Variants in CATSPERD observed in about 807,000 individuals in gnomAD.
CATSPERD encodes the protein cation channel sperm-associated auxiliary subunit delta.
Under a neutral mutation model 98.1 loss-of-function variants are expected in CATSPERD, and 86 were observed. That is an observed-to-expected ratio of 0.88 (90% confidence interval 0.74 to 1.05). The LOEUF is 1.05. CATSPERD is among the 50% of genes least tolerant of loss of function. The pLI is 0.00. For missense variants in CATSPERD, 995 were observed against 1,005.7 expected (o/e 0.99, Z 0.14); for synonymous variants, 394 against 390.2 (o/e 1.01, Z -0.12).
chr19:5,743,287 G>A (rs1163977580), intron 7 of CATSPERD, among the ~76,000 whole-genome samples: 2 of 147,642 alleles, frequency 1.4e-5, no homozygotes, highest in African/African-American at 2.5e-5. Flanking sequence ...TGGGCGACAA[G>A]AGTGTAACTC....
intron 1 of CATSPERD, among the ~76,000 whole-genome samples, chr19:5,723,371 G>A (rs1462080494): frequency 2.0e-5 from 3 of 149,460 alleles, no homozygotes; most frequent in Non-Finnish European, 4.4e-5. Context: ...TGCAACCTCT[G>A]CCTCCAAGGT....
At chr19:5,766,855 G>A (rs1043444120) in intron 17 of CATSPERD, among the ~76,000 whole-genome samples, 2 of 151,466 alleles carry the variant, frequency 1.3e-5, no homozygotes, top group African/African-American at 4.8e-5. Flanking sequence ...ACCATGCCTG[G>A]CTAATTTTTG....
At chr19:5,741,903 C>T (rs1387216663) in intron 7 of CATSPERD, among the ~76,000 whole-genome samples, 1 of 148,492 alleles carries the variant, frequency 6.7e-6, no homozygotes, top group Non-Finnish European at 1.5e-5. Flanking sequence ...TGGCGGCTGG[C>T]GTGCCTGTAA....
intron 7 of CATSPERD, among the ~76,000 whole-genome samples, chr19:5,740,239 C>T (rs1305112110): frequency 6.6e-6 from 1 of 150,940 alleles, no homozygotes; most frequent in African/African-American, 2.4e-5. Flanking sequence ...CAAGATCACA[C>T]CATTGCACTC....
chr19:5,778,314 G>T (rs1382415202), intron 21 of CATSPERD, 62 bp from the exon 22 acceptor site: 31 of 1,487,190 alleles, frequency 2.1e-5, no homozygotes, highest in Non-Finnish European at 2.6e-5. Context: ...CTTTGCCAGA[G>T]ATAAGGCGAA....
chr19:5,720,753 C>A lies in CATSPERD; in HGVS notation c.16C>A (p.Leu6Met). The A allele has an allele frequency of 1.2e-6, 2 of 1,605,792 alleles. No homozygotes were observed. The highest frequency in any genetic ancestry group is 8.5e-7 in the Non-Finnish European group (1 of 1,179,706). MLMLMLVAAVTMWLRP... is the reference protein window; with the variant it reads MLMLMMVAAVTMWLRP... Reference sequence around the variant, plus strand: ...GCCCAAGTCGATGCTGATGTTGATGCTGGTGGCGGCTGTGACCATGTGGCT... The same window carrying A: ...GCCCAAGTCGATGCTGATGTTGATGATGGTGGCGGCTGTGACCATGTGGCT... The change falls in exon 1 of 22, where the codon CTG becomes ATG. Residue 6 changes from leucine to methionine, a missense_variant. Physicochemically the swap from Leu to Met is conservative, Grantham distance 15 (BLOSUM62 2). Transcript: ENST00000381624.
Position 5,771,046 on chromosome 19 carries a change from C to T in CATSPERD, c.1737C>T (p.Asp579=), listed in dbSNP as rs1346684413. 9 of 1,614,038 alleles carry T rather than the reference C, an allele frequency of 5.6e-6. No homozygotes were observed. Among genetic ancestry groups the T allele is most frequent in the Non-Finnish European group, 6.8e-6 (8 of 1,179,974 alleles). Residue 579 remains aspartate, a synonymous_variant, in exon 19 of 22, where the codon GAC becomes GAT. Transcript: ENST00000381624. ...QLGCPLLVYY[D]TLWKPVVELW... is the part of the protein sequence containing the mutation. Reference sequence around the variant, plus strand: ...GCTGTCCTCTCCTCGTCTACTATGACACCCTATGGAAGCCCGTGGTGGAGC... The same window carrying T: ...GCTGTCCTCTCCTCGTCTACTATGATACCCTATGGAAGCCCGTGGTGGAGC...
rs534457789 is a variant in CATSPERD, at chr19:5,772,860, A to C, written c.1836A>C (p.Ser612=). The C allele has an allele frequency of 5.9e-5, 96 of 1,614,000 alleles. No homozygotes were observed. The East Asian group carries it at 1.9e-3, about 32-fold the overall frequency. ...YVLLEVNGQF[S]YSYSLTAQSA... is the part of the protein sequence containing the mutation. ...TACTGGAGGTGAACGGGCAGTTCTC[A>C]TACTCCTATTCCCTGACGGCCCAGT... Residue 612 remains serine (S), a synonymous_variant, in exon 20 of 22, where the codon TCA becomes TCC. Transcript: ENST00000381624.
At chr19:5,762,682 T>C (rs564075095) in intron 15 of CATSPERD, among the ~76,000 whole-genome samples, 1 of 148,582 alleles carries the variant, frequency 6.7e-6, no homozygotes, top group South Asian at 2.1e-4. Flanking sequence ...GATGGATGGA[T>C]GGGTGGGTGG....
chr19:5,729,450 G>A (rs1478839232), intron 3 of CATSPERD, among the ~76,000 whole-genome samples: 1 of 152,138 alleles, frequency 6.6e-6, no homozygotes, highest in East Asian at 1.9e-4. Context: ...GGGGAGTTGG[G>A]GAAGGAGATC....
chr19:5,735,436 G>T (rs958545762), intron 5 of CATSPERD, among the ~76,000 whole-genome samples: 4 of 152,012 alleles, frequency 2.6e-5, no homozygotes, highest in Non-Finnish European at 4.4e-5. Context: ...TTACCCTCCC[G>T]AGTAGCTGGG....
At chr19:5,742,278 ACGTGTGTGTG>A (rs1488762919) in intron 7 of CATSPERD, among the ~76,000 whole-genome samples, 1 of 133,662 alleles carries the variant, frequency 7.5e-6, no homozygotes, top group Non-Finnish European at 1.6e-5. Context: ...GCATGTGTGT[ACGTGTGTGTG>A]CGTGTGTACG....
At chr19:5,733,760 AT>A (rs562470248) in intron 4 of CATSPERD, 95 bp from the exon 5 acceptor site, 38,652 of 605,166 alleles carry the variant, frequency 0.064, no homozygotes, top group East Asian at 0.086. Flanking sequence ...CCGTCCATAC[AT>A]TTTTTTTTTT....
intron 7 of CATSPERD, among the ~76,000 whole-genome samples, chr19:5,742,853 G>A (rs1352405712): frequency 6.6e-6 from 1 of 152,130 alleles, no homozygotes; most frequent in African/African-American, 2.4e-5. Context: ...CCTTCCAGGG[G>A]CAGATGGATC....
In CATSPERD at chr19:5,747,466, C is replaced by A. The variant is rs2056116166; in HGVS notation, c.809-694C>A. Among the ~76,000 whole-genome samples, 3 of 152,162 alleles carry A rather than the reference C, an allele frequency of 2.0e-5. No individual in the cohort carries two copies. In the South Asian group the frequency reaches 6.2e-4, roughly 32 times the overall value. ...TACAGATGAGAGCCACCAAACCCGG[C>A]CTGTTTTATTCCTTATAGTGGTCAC... is the stretch of plus-strand genomic sequence containing the variant. On this transcript the variant is annotated intron_variant, in intron 9 of 21. Coordinates refer to ENST00000381624, the MANE Select transcript of CATSPERD (RefSeq NM_152784.4).
intron 11 of CATSPERD, among the ~76,000 whole-genome samples, chr19:5,751,090 G>A (rs1017858335): frequency 6.7e-6 from 1 of 150,222 alleles, no homozygotes; most frequent in Non-Finnish European, 1.5e-5. Flanking sequence ...GTGCGACTGT[G>A]ATCCCAGTGA....
In CATSPERD at chr19:5,778,631, CCCGGGACGCCACCGCACT is replaced by C; in HGVS notation, c.2355_2372del (p.Gly786_Pro791del). The stretch of plus-strand genomic sequence containing the variant: ...CCACAGCCAGGGCAGGCACAGAGCC[CCCGGGACGCCACCGCACT>C]CCTCACGGAGGCAGGTCTGACCACT... On this transcript the variant is annotated inframe_deletion, in exon 22 of 22. Coordinates refer to ENST00000381624, the MANE Select transcript of CATSPERD (RefSeq NM_152784.4). 6.2e-7 allele frequency: 1 copy of C among 1,613,642 alleles called. No individual in the cohort carries two copies. The highest frequency in any genetic ancestry group is 8.5e-7 in the Non-Finnish European group (1 of 1,180,030).
chr19:5,750,312 C>T (rs550175459), intron 11 of CATSPERD, among the ~76,000 whole-genome samples: 11 of 149,918 alleles, frequency 7.3e-5, no homozygotes, highest in East Asian at 6.0e-4. Flanking sequence ...ATTAGCCGGG[C>T]GTGGTGGCGG....
chr19:5,775,364 C>A (rs1004099818), intron 20 of CATSPERD: 23 of 451,176 alleles, frequency 5.1e-5, no homozygotes, highest in Admixed American at 1.0e-4. Flanking sequence ...AGGGGCCAGG[C>A]GAGGTGGCCA....
Sources: allele counts gnomAD v4.1 joint callset (sites outside exome capture counted in the v4.1 genomes callset), GRCh38; gene constraint gnomAD v4.1.1; transcripts MANE v1.5; gene names NCBI Gene and HGNC (gene_info 2026-07-23, HGNC 2026-07-21).